KCNH7: variants seen among roughly 807,000 people sequenced by gnomAD.
The protein encoded by KCNH7 is voltage-gated inwardly rectifying potassium channel KCNH7.
KCNH7 carries 49 observed loss-of-function variants against 120.8 expected under a neutral mutation model. The observed-to-expected ratio is 0.41, with a 90% CI of 0.32 to 0.51. The LOEUF (loss-of-function observed/expected upper bound fraction) is 0.51. Among genes scored for constraint, KCNH7 ranks in the 20% least tolerant of loss-of-function variants. The pLI, the probability that KCNH7 is intolerant of heterozygous loss-of-function variation, is 0.38. For synonymous variants in KCNH7, 547 were observed against 516.1 expected, an observed-to-expected ratio of 1.06 and a Z score of -0.81; for missense variants, 1,097 against 1,446.6, an observed-to-expected ratio of 0.76 and a Z score of 3.92.
chr2:162,551,587 TG>T (rs1163012014), intron 2 of KCNH7, among the ~76,000 whole-genome samples: 3 of 151,858 alleles, frequency 2.0e-5, no homozygotes, highest in Non-Finnish European at 4.4e-5. Flanking sequence ...ATCACATCAC[TG>T]AGAATATACT....
chr2:162,708,260 T>C (rs1037120481), intron 2 of KCNH7, among the ~76,000 whole-genome samples: 4 of 152,060 alleles, frequency 2.6e-5, no homozygotes, highest in African/African-American at 9.7e-5. Context: ...GACAAAGGAA[T>C]GAAAGACTTG....
chr2:162,439,817 T>C lies in KCNH7; in HGVS notation c.1555-4220A>G, dbSNP rs1281071107. Among the ~76,000 whole-genome samples the C allele has an allele frequency of 1.6e-4, 25 of 151,700 alleles. 1 individual carries two copies. The highest frequency in any genetic ancestry group is 1.6e-3 in the Admixed American group (25 of 15,220). On this transcript the variant is annotated intron_variant, in intron 7 of 15. Transcript: ENST00000332142. ...TTATTAGGTACATTAATTTTTAAACTAAGCACTATTTAAAAAATATATATA... is the reference window on the plus strand; with the variant it reads ...TTATTAGGTACATTAATTTTTAAACCAAGCACTATTTAAAAAATATATATA...
intron 2 of KCNH7, among the ~76,000 whole-genome samples, chr2:162,814,184 T>C (rs1684834656): frequency 6.6e-6 from 1 of 151,980 alleles, no homozygotes; most frequent in South Asian, 2.1e-4. Flanking sequence ...GATATACAAG[T>C]AGGTTTGCAG....
chr2:162,705,899 G>A (rs1253823292), intron 2 of KCNH7, among the ~76,000 whole-genome samples: 1 of 152,090 alleles, frequency 6.6e-6, no homozygotes, highest in Non-Finnish European at 1.5e-5. Flanking sequence ...GTCAGCTCAT[G>A]CTCCCAGCCG....
intron 2 of KCNH7, among the ~76,000 whole-genome samples, chr2:162,692,457 A>C (rs1686147948): frequency 6.6e-6 from 1 of 152,100 alleles, no homozygotes; most frequent in South Asian, 2.1e-4. Context: ...ACACACAAAC[A>C]TACTTCTGCA....
chr2:162,698,463 G>A (rs1406163594), intron 2 of KCNH7, among the ~76,000 whole-genome samples: 1 of 148,070 alleles, frequency 6.8e-6, no homozygotes, highest in Non-Finnish European at 1.5e-5. Context: ...CATTGCATGA[G>A]TTTTTTTCAG....
chr2:162,709,675 C>T (rs1458742994), intron 2 of KCNH7, among the ~76,000 whole-genome samples: 1 of 152,082 alleles, frequency 6.6e-6, no homozygotes, highest in Non-Finnish European at 1.5e-5. Flanking sequence ...CCCAATAACC[C>T]AAGGCAAACT....
At position 162,394,414 on chromosome 2, in the gene KCNH7, C is replaced by A. The variant is rs1244935358; in HGVS notation, c.2685G>T (p.Leu895Phe). 2 of 1,597,444 alleles carry A rather than the reference C, an allele frequency of 1.3e-6. No homozygotes were observed. The highest frequency in any genetic ancestry group is 3.3e-5 in the Admixed American group (2 of 59,720). The change falls in exon 12 of 16, where the codon TTG becomes TTT. Residue 895 changes from leucine to phenylalanine, a missense_variant. Coordinates refer to ENST00000332142, the MANE Select transcript of KCNH7 (RefSeq NM_033272.4). ...GDNCKLRRRK[L>F]SFESEGEKEN... The stretch of plus-strand genomic sequence containing the variant: ...CTTTCTCTCCTTCACTTTCAAATGA[C>A]AATTTCCTTCTTCTTAGTTTACAGT...
At chr2:162,448,932 G>C (rs1261449909) in intron 6 of KCNH7, among the ~76,000 whole-genome samples, 1 of 151,980 alleles carries the variant, frequency 6.6e-6, no homozygotes, top group Non-Finnish European at 1.5e-5. Context: ...GAGTAGGTGG[G>C]TAGTCTTCAC....
Position 162,787,920 on chromosome 2 carries a change from C to G in KCNH7, c.307+48617G>C, listed in dbSNP as rs187305346. 3.3e-5 allele frequency among the ~76,000 whole-genome samples: 5 copies of G among 152,318 alleles called. No homozygotes were observed. The East Asian group carries it at 9.7e-4, about 29-fold the overall frequency. On this transcript the variant is annotated intron_variant, in intron 2 of 15. Transcript: ENST00000332142. ...GCCAGCCACCTAAGGACTCCAGCAG[C>G]AAGGTTATCTGCAGATACTTCAGCC...
At chr2:162,499,075 C>A (rs896783147) in intron 6 of KCNH7, among the ~76,000 whole-genome samples, 1 of 152,052 alleles carries the variant, frequency 6.6e-6, no homozygotes, top group Non-Finnish European at 1.5e-5. Context: ...TATTCGGATA[C>A]TCATACTTAT....
At chr2:162,377,322 T>C (rs1434682685) in intron 14 of KCNH7, among the ~76,000 whole-genome samples, 1 of 149,856 alleles carries the variant, frequency 6.7e-6, no homozygotes, top group Admixed American at 6.6e-5. Context: ...TCAAAGGAGA[T>C]ATAGTATTGG....
At chr2:162,642,206 A>C (rs915322193) in intron 2 of KCNH7, among the ~76,000 whole-genome samples, 4 of 152,186 alleles carry the variant, frequency 2.6e-5, no homozygotes, top group South Asian at 2.1e-4. Context: ...TAAGGCACTC[A>C]ATTTGTAATC....
At chr2:162,480,825 C>T (rs149960888) in intron 6 of KCNH7, among the ~76,000 whole-genome samples, 73 of 152,148 alleles carry the variant, frequency 4.8e-4, no homozygotes, top group African/African-American at 7.0e-4. Flanking sequence ...CAAGAAGTTA[C>T]GAAGTGAGGG....
chr2:162,736,360 C>A (rs763340520), intron 2 of KCNH7, among the ~76,000 whole-genome samples: 31 of 152,298 alleles, frequency 2.0e-4, no homozygotes, highest in Middle Eastern at 3.4e-3. Flanking sequence ...TCACTCATTA[C>A]AAAGGAGCTT....
At chr2:162,785,568 T>C (rs1194093485) in intron 2 of KCNH7, among the ~76,000 whole-genome samples, 2 of 151,946 alleles carry the variant, frequency 1.3e-5, no homozygotes, top group South Asian at 2.1e-4. Flanking sequence ...TTTTTTGCAG[T>C]CACTCAAATC....
intron 2 of KCNH7, among the ~76,000 whole-genome samples, chr2:162,580,175 C>T (rs1574129621): frequency 6.6e-6 from 1 of 152,130 alleles, no homozygotes; most frequent in Admixed American, 6.6e-5. Flanking sequence ...GAACCCTTGT[C>T]CTCTGGCAGT....
At chr2:162,753,031 A>AAGAAAAGGATGCTTTAAAAATATGG (rs1559116574) in intron 2 of KCNH7, among the ~76,000 whole-genome samples, 1 of 127,766 alleles carries the variant, frequency 7.8e-6, no homozygotes, top group African/African-American at 3.4e-5. Flanking sequence ...AAGAAAAGAA[A>AAGAAAAGGATGCTTTAAAAATATGG]CCCTGACTAA....
At chr2:162,607,312 C>T (rs567799614) in intron 2 of KCNH7, among the ~76,000 whole-genome samples, 2 of 151,534 alleles carry the variant, frequency 1.3e-5, no homozygotes, top group South Asian at 2.1e-4. Flanking sequence ...ATTGCTTGAA[C>T]CCAGCAGGTG....
Sources: gnomAD v4.1 joint callset for allele counts (sites outside exome capture counted in the v4.1 genomes callset) on GRCh38, gnomAD v4.1.1 for gene constraint, MANE v1.5 for transcripts, NCBI Gene and HGNC (gene_info 2026-07-23, HGNC 2026-07-21) for gene names.